NRXN3: variants seen among roughly 807,000 people sequenced by gnomAD.
The protein encoded by NRXN3 is neurexin 3.
A neutral mutation model predicts 137.6 loss-of-function variants in NRXN3; 32 were observed. That is an observed-to-expected ratio of 0.23 (90% CI 0.18 to 0.31). NRXN3 has a LOEUF of 0.31. Ranked by LOEUF, NRXN3 falls within the 10% of genes least tolerant of loss-of-function variation. The pLI, the probability that NRXN3 is intolerant of heterozygous loss-of-function variation, is 1.00. For missense variants in NRXN3, 1,574 were observed against 2,062.5 expected (o/e 0.76, Z 4.59); for synonymous variants, 798 against 784.5 (o/e 1.02, Z -0.29).
At chr14:78,225,652 C>T (rs2064453159) in intron 1 of NRXN3, among the ~76,000 whole-genome samples, 1 of 152,064 alleles carries the variant, frequency 6.6e-6, no homozygotes, top group African/African-American at 2.4e-5. Context: ...ACTTTTTAGC[C>T]TTACATTTTT....
chr14:79,233,256 C>A (rs1411161502), intron 15 of NRXN3, among the ~76,000 whole-genome samples: 1 of 152,110 alleles, frequency 6.6e-6, no homozygotes, highest in African/African-American at 2.4e-5. Flanking sequence ...ATTCTTTCAT[C>A]CCTAGCTCAT....
intron 15 of NRXN3, among the ~76,000 whole-genome samples, chr14:79,157,488 G>A (rs1281678821): frequency 6.6e-6 from 1 of 151,758 alleles, no homozygotes; most frequent in East Asian, 1.9e-4. Context: ...AGCATAAGCT[G>A]GTTTTGTGTC....
chr14:79,571,983 T>C (rs1318070004), intron 16 of NRXN3, among the ~76,000 whole-genome samples: 1 of 152,202 alleles, frequency 6.6e-6, no homozygotes, highest in East Asian at 1.9e-4. Flanking sequence ...TTTGTTTGTT[T>C]AAGGCCTGAA....
intron 4 of NRXN3, among the ~76,000 whole-genome samples, chr14:78,495,937 C>A (rs1265453698): frequency 6.6e-6 from 1 of 152,190 alleles, no homozygotes; most frequent in Non-Finnish European, 1.5e-5. Context: ...CTAATATCTT[C>A]CTCACGTATG....
intron 8 of NRXN3, among the ~76,000 whole-genome samples, chr14:78,728,940 T>TCCCA (rs1276969097): frequency 6.6e-6 from 1 of 152,140 alleles, no homozygotes; most frequent in Non-Finnish European, 1.5e-5. Context: ...TGGATTTGAA[T>TCCCA]CCCAGTTCCA....
At chr14:78,852,387 T>C (rs1158123757) in intron 10 of NRXN3, among the ~76,000 whole-genome samples, 1 of 152,230 alleles carries the variant, frequency 6.6e-6, no homozygotes, top group Non-Finnish European at 1.5e-5. Context: ...ATTAGCTTAT[T>C]ACTATAATGA....
At chr14:79,595,447 A>C (rs895317614) in intron 16 of NRXN3, among the ~76,000 whole-genome samples, 1 of 152,216 alleles carries the variant, frequency 6.6e-6, no homozygotes, top group Non-Finnish European at 1.5e-5. Flanking sequence ...TATAGTAGTC[A>C]CTAGCTATTA....
At chr14:79,243,962 T>C (rs1241711209) in intron 15 of NRXN3, among the ~76,000 whole-genome samples, 3 of 152,156 alleles carry the variant, frequency 2.0e-5, no homozygotes, top group Admixed American at 6.6e-5. Flanking sequence ...CACACTATCA[T>C]TAACTACGGT....
intron 4 of NRXN3, among the ~76,000 whole-genome samples, chr14:78,596,280 A>G (rs35486827): frequency 0.025 from 3,756 of 152,058 alleles, 57 homozygotes; most frequent in Middle Eastern, 0.031. Context: ...TCTCTTCACT[A>G]TTTATTAAAT....
intron 1 of NRXN3, among the ~76,000 whole-genome samples, chr14:78,236,729 TC>T (rs5809870): frequency 0.49 from 69,013 of 141,380 alleles, 17,353 homozygotes; most frequent in African/African-American, 0.65. Flanking sequence ...TAGGTATTAT[TC>T]CCCCCCCCCT....
chr14:79,295,217 G>A (rs919664151), intron 15 of NRXN3, among the ~76,000 whole-genome samples: 4 of 151,238 alleles, frequency 2.6e-5, no homozygotes, highest in Non-Finnish European at 1.5e-5. Flanking sequence ...TACTACCATA[G>A]TGCCTTTATT....
intron 15 of NRXN3, among the ~76,000 whole-genome samples, chr14:79,095,324 T>C (rs965179756): frequency 3.3e-5 from 5 of 152,210 alleles, no homozygotes; most frequent in Admixed American, 6.5e-5. Context: ...CTTTCCCTCA[T>C]GTTCTATAAA....
At chr14:78,665,191 T>C (rs1044931357) in intron 6 of NRXN3, among the ~76,000 whole-genome samples, 11 of 152,158 alleles carry the variant, frequency 7.2e-5, no homozygotes, top group African/African-American at 2.7e-4. Flanking sequence ...AAGAGAATAA[T>C]GGGTGTATTA....
chr14:79,593,522 T>C (rs2097829132), intron 16 of NRXN3, among the ~76,000 whole-genome samples: 1 of 149,058 alleles, frequency 6.7e-6, no homozygotes, highest in African/African-American at 2.5e-5. Context: ...TCCCAGGTAC[T>C]CGGGAGGCTG....
chr14:78,878,059 T>A (rs2099117972), intron 10 of NRXN3, among the ~76,000 whole-genome samples: 1 of 152,164 alleles, frequency 6.6e-6, no homozygotes, highest in Non-Finnish European at 1.5e-5. Flanking sequence ...ATTTGGTCAC[T>A]GTTCATTAGT....
rs1382593025 is a variant in NRXN3 at position 78,803,838 on chromosome 14, A to G, written c.2248+15A>G. 3.1e-6 allele frequency: 5 copies of G among 1,604,714 alleles called. No individual in the cohort carries two copies. The African/African-American group carries it at 5.4e-5, about 17-fold the overall frequency. On this transcript the variant is annotated intron_variant, in intron 9 of 20. Transcript: ENST00000335750. ...GGTTAACTTAGGTATCGTATGAAGTACCCTCTGCCACTTCGTTTGGGCTTG... is the reference window on the plus strand; with the variant it reads ...GGTTAACTTAGGTATCGTATGAAGTGCCCTCTGCCACTTCGTTTGGGCTTG...
intron 16 of NRXN3, among the ~76,000 whole-genome samples, chr14:79,508,390 A>ATTTCTGATTTTTTTTTTTTTTTT (rs1555494789): frequency 1.0e-4 from 5 of 48,228 alleles, no homozygotes; most frequent in African/African-American, 3.6e-4. Context: ...ACAATAACTG[A>ATTTCTGATTTTTTTTTTTTTTTT]TTTTTTTTTT....
chr14:78,557,405 A>AG (rs1182018858), intron 4 of NRXN3, among the ~76,000 whole-genome samples: 2 of 152,040 alleles, frequency 1.3e-5, no homozygotes, highest in African/African-American at 4.8e-5. Context: ...TGAATGAGGA[A>AG]GGGGCAGTGT....
intron 4 of NRXN3, among the ~76,000 whole-genome samples, chr14:78,614,550 TA>T (rs530159214): frequency 3.2e-3 from 461 of 142,516 alleles, no homozygotes; most frequent in South Asian, 0.011. Context: ...ATTGTAGAAT[TA>T]AAAAAAAAAA....
Sources: gnomAD v4.1 joint callset for allele counts (sites outside exome capture counted in the v4.1 genomes callset) on GRCh38, gnomAD v4.1.1 for gene constraint, MANE v1.5 for transcripts, NCBI Gene and HGNC (gene_info 2026-07-23, HGNC 2026-07-21) for gene names.